Variants in CBR4 observed in about 807,000 individuals in gnomAD.
CBR4 encodes carbonyl reductase 4, also known as 3-oxoacyl-[acyl-carrier-protein] reductase.
In CBR4, 22 loss-of-function variants were observed where a neutral mutation model predicts 21.0. The observed-to-expected ratio is 1.05, with a 90% CI of 0.75 to 1.50. The LOEUF is 1.50. CBR4 is among the 40% of genes most tolerant of loss of function. The pLI is 0.00. For synonymous variants in CBR4, 100 were observed against 104.4 expected (o/e 0.96, Z 0.26); for missense variants, 302 against 286.3 (o/e 1.05, Z -0.40).
intron 2 of CBR4, among the ~76,000 whole-genome samples, chr4:168,911,083 G>C (rs1240202110): frequency 2.6e-5 from 4 of 152,150 alleles, no homozygotes; most frequent in Non-Finnish European, 5.9e-5. Flanking sequence ...ATTTATGAGA[G>C]CATTTAGGTT....
At chr4:168,929,774 T>C (rs1238155030) in intron 2 of CBR4, among the ~76,000 whole-genome samples, 1 of 152,196 alleles carries the variant, frequency 6.6e-6, no homozygotes, top group African/African-American at 2.4e-5. Context: ...ACCCCTCTCT[T>C]TGTGCTGCTG....
chr4:168,935,478 C>T (rs1763084459), intron 2 of CBR4, among the ~76,000 whole-genome samples: 1 of 152,122 alleles, frequency 6.6e-6, no homozygotes, highest in South Asian at 2.1e-4. Flanking sequence ...GTGGATCTGA[C>T]CCCCTATGGA....
At chr4:168,926,495 T>TA (rs796761323) in intron 2 of CBR4, 172 of 606,538 alleles carry the variant, frequency 2.8e-4, no homozygotes, top group Non-Finnish European at 3.8e-4. Flanking sequence ...TATAAGAAAT[T>TA]AAAAAAAAAA....
chr4:168,990,476 A>G, intron 4 of CBR4, 148 bp from the exon 5 acceptor site: 1 of 636,690 alleles, frequency 1.6e-6, no homozygotes, highest in South Asian at 2.7e-5. Context: ...TCACTCTGTC[A>G]CCCAAGCTAG....
In CBR4 at chr4:169,010,171, G is replaced by C; in HGVS notation, c.-82C>G. 9.8e-7 allele frequency: 1 copy of C among 1,021,518 alleles called. No individual in the cohort carries two copies. The allele number at this position is 1,021,518 out of a possible 1,614,324, so 63.3% of individuals were successfully genotyped here. Reference sequence around the variant, plus strand: ...TCCCTCAGGCTTTTAAACAACCGCGGTTCCAAAAAAAAAAAAAAGAAAAAA... The same window carrying C: ...TCCCTCAGGCTTTTAAACAACCGCGCTTCCAAAAAAAAAAAAAAGAAAAAA... On this transcript the variant is annotated 5_prime_UTR_variant, in exon 1 of 5. Transcript: ENST00000306193.
At chr4:168,983,685 G>C (rs865821570), downstream of CBR4, among the ~76,000 whole-genome samples, 2 of 151,850 alleles carry the variant, frequency 1.3e-5, no homozygotes, top group Middle Eastern at 3.2e-3. Flanking sequence ...AACAAATCCA[G>C]CAGCACATGA....
At chr4:168,898,556 T>C (rs749750532) in intron 2 of CBR4, 1 of 1,613,912 alleles carries the variant, frequency 6.2e-7, no homozygotes, top group East Asian at 2.2e-5. Context: ...GCTAGAAAGG[T>C]CTCCTGTGGA....
chr4:168,978,909 A>G (rs554221120), intron 2 of CBR4, among the ~76,000 whole-genome samples: 29 of 151,768 alleles, frequency 1.9e-4, no homozygotes, highest in Non-Finnish European at 3.1e-4. Flanking sequence ...TCAGGCTGGT[A>G]GCAGCTCTGC....
chr4:168,898,037 T>C (rs1566495), intron 2 of CBR4: 83,118 of 152,428 alleles, frequency 0.55, 25,270 homozygotes, highest in East Asian at 0.88. Flanking sequence ...TTTCTATTAT[T>C]CTTTTACTAT....
intron 2 of CBR4, among the ~76,000 whole-genome samples, chr4:168,963,754 C>T (rs952926109): frequency 4.6e-5 from 7 of 152,120 alleles, no homozygotes; most frequent in East Asian, 1.9e-4. Context: ...CATGAGCCAC[C>T]GCGCCCAACC....
rs756172680 is a variant in CBR4 at position 168,989,238 on chromosome 4, T to C, written c.*912A>G. 369 of 979,454 alleles carry C rather than the reference T, an allele frequency of 3.8e-4. No homozygotes were observed. The highest frequency in any genetic ancestry group is 4.4e-4 in the Non-Finnish European group (360 of 824,600). The allele number at this position is 979,454 out of a possible 1,614,324, so 60.7% of individuals were successfully genotyped here. ...TTTTTAAATGTTGTATTTCTCGTTT[T>C]TAAATATTAATAGTTCACTATTCTA... On this transcript the variant is annotated 3_prime_UTR_variant, in exon 5 of 5. Transcript: ENST00000306193.
intron 2 of CBR4, among the ~76,000 whole-genome samples, chr4:168,973,527 C>T (rs2126763337): frequency 6.6e-6 from 1 of 152,262 alleles, no homozygotes; most frequent in East Asian, 1.9e-4. Context: ...GGGGTTTCAC[C>T]ATGTTGGTCA....
At chr4:168,967,332 A>T (rs1219856490) in intron 2 of CBR4, among the ~76,000 whole-genome samples, 1 of 152,092 alleles carries the variant, frequency 6.6e-6, no homozygotes, top group Non-Finnish European at 1.5e-5. Context: ...CAGGGCGGGG[A>T]ACATTACACA....
At chr4:168,977,370 T>G (rs67561290) in intron 2 of CBR4, among the ~76,000 whole-genome samples, 23,024 of 152,196 alleles carry the variant, frequency 0.15, 1,962 homozygotes, top group African/African-American at 0.22. Flanking sequence ...GATTTTCTAC[T>G]TACTGCTCCA....
chr4:168,991,806 T>C lies in CBR4; in HGVS notation c.536-1478A>G, dbSNP rs79753977. 5.3e-5 allele frequency among the ~76,000 whole-genome samples: 8 copies of C among 152,134 alleles called. No individual in the cohort carries two copies. The East Asian group carries it at 1.5e-3, about 29-fold the overall frequency. On this transcript the variant is annotated intron_variant, in intron 4 of 4. Transcript: ENST00000306193. ...GCAATATTAATCCTCATGAAAAGAA[T>C]AGAAAAAAATTTTTAAGGTCATGAA... is the stretch of plus-strand genomic sequence containing the variant.
Position 168,989,582 on chromosome 4 carries a change from A to T in CBR4, c.*568T>A, listed in dbSNP as rs529080397. The T allele has an allele frequency of 1.7e-5, 17 of 985,308 alleles. No individual in the cohort carries two copies. The highest frequency in any genetic ancestry group is 1.9e-5 in the Non-Finnish European group (16 of 829,914). 61.0% of individuals were successfully genotyped at this position (985,308 alleles called of 1,614,324 possible). On this transcript the variant is annotated 3_prime_UTR_variant, in exon 5 of 5. Transcript: ENST00000306193. ...TGGGCTTGCTAAAGTATTGACAACT[A>T]ATCAGTGTCCTCTAAATACTCTTAT...
intron 2 of CBR4, among the ~76,000 whole-genome samples, chr4:168,962,054 A>G (rs186754030): frequency 6.6e-6 from 1 of 152,296 alleles, no homozygotes; most frequent in Non-Finnish European, 1.5e-5. Context: ...TTAAAGAGTT[A>G]AACGTTTTTA....
In CBR4 at chr4:168,988,237, T is replaced by G; in HGVS notation, c.*1913A>C. On this transcript the variant is annotated 3_prime_UTR_variant, in exon 5 of 5. Coordinates refer to ENST00000306193, the MANE Select transcript of CBR4 (RefSeq NM_032783.5). ...AAGGTTTATTTTACCTCTTTCAAGATCTCTCCATATATTCCACCAGTTTGA... is the reference window on the plus strand; with the variant it reads ...AAGGTTTATTTTACCTCTTTCAAGAGCTCTCCATATATTCCACCAGTTTGA... 1 of 985,400 alleles carries G rather than the reference T, an allele frequency of 1.0e-6. No individual in the cohort carries two copies. Among genetic ancestry groups the G allele is most frequent in the Non-Finnish European group, 1.2e-6 (1 of 829,926 alleles). 61.0% of individuals were successfully genotyped at this position (985,400 alleles called of 1,614,324 possible).
At chr4:168,894,889 C>T (rs1754782104) in intron 2 of CBR4, 3 of 667,574 alleles carry the variant, frequency 4.5e-6, no homozygotes, top group Admixed American at 6.0e-5. Context: ...ATCAGTGATA[C>T]CTGTTCTTTT....
Sources: allele counts gnomAD v4.1 joint callset (sites outside exome capture counted in the v4.1 genomes callset), GRCh38; gene constraint gnomAD v4.1.1; transcripts MANE v1.5; gene names NCBI Gene and HGNC (gene_info 2026-07-23, HGNC 2026-07-21).